Variants in PRC1 observed in about 807,000 individuals in gnomAD.
The protein encoded by PRC1 is anaphase spindle elongation 1 homolog.
A neutral mutation model predicts 91.2 loss-of-function variants in PRC1; 54 were observed. The ratio of observed to expected loss-of-function variants is 0.59; its 90% CI spans 0.48 to 0.74. The LOEUF (loss-of-function observed/expected upper bound fraction) is 0.74. PRC1 is among the 30% of genes least tolerant of loss of function. The pLI, the probability that PRC1 is intolerant of heterozygous loss-of-function variation, is 0.00. For missense variants in PRC1, 727 were observed against 746.2 expected (o/e 0.97, Z 0.30); for synonymous variants, 275 against 263.6 (o/e 1.04, Z -0.42).
At chr15:90,988,480 C>T (rs191121425) in intron 1 of PRC1, 1 of 152,432 alleles carries the variant, frequency 6.6e-6, no homozygotes, top group East Asian at 1.9e-4. Context: ...AATAGTTCAA[C>T]CACCTTCTGT....
chr15:90,989,204 T>C (rs1049639074), intron 1 of PRC1, among the ~76,000 whole-genome samples: 6 of 152,152 alleles, frequency 3.9e-5, no homozygotes, highest in African/African-American at 1.4e-4. Flanking sequence ...CTTGTGGGCA[T>C]GCAAGACGGT....
chr15:90,974,082 G>GACT lies in PRC1; in HGVS notation c.1461+51_1461+53dup. On this transcript the variant is annotated intron_variant, in intron 11 of 14. Coordinates refer to ENST00000394249, the MANE Select transcript of PRC1 (RefSeq NM_003981.4). This position sits in a 1 kb window ranked among gnomAD's most constrained non-coding sequence, Gnocchi z 4.6. ...TGGCCCCCTTCAAAGAGGTGGCTGG[G>GACT]ACTACCCTCACCCACTCCCTTGAAA... 6.7e-7 allele frequency: 1 copy of GACT among 1,502,876 alleles called. No individual in the cohort carries two copies. Among genetic ancestry groups the GACT allele is most frequent in the Non-Finnish European group, 9.3e-7 (1 of 1,080,234 alleles). The allele number at this position is 1,502,876 out of a possible 1,614,324, so 93.1% of individuals were successfully genotyped here. A position where few individuals can be genotyped will look rare whatever the true frequency, so the allele number is the denominator to read the frequency against.
chr15:90,974,635 C>G lies in PRC1; in HGVS notation c.1300G>C (p.Glu434Gln). 2 of 1,614,228 alleles carry G rather than the reference C, an allele frequency of 1.2e-6. No individual in the cohort carries two copies. The highest frequency in any genetic ancestry group is 1.7e-6 in the Non-Finnish European group (2 of 1,180,038). ...NGQKFMEYVA[E>Q]QWEMHRLEKE... ...TCCAATCGATGCATCTCCCATTGTTCTGCCACATACTCCATGAATTTCTGC... is the reference window on the plus strand; with the variant it reads ...TCCAATCGATGCATCTCCCATTGTTGTGCCACATACTCCATGAATTTCTGC... Residue 434 changes from glutamate to glutamine, a missense_variant, in exon 10 of 15, where the codon GAA (glutamate) becomes CAA (glutamine). Coordinates refer to ENST00000394249, the MANE Select transcript of PRC1 (RefSeq NM_003981.4). This position sits in a 1 kb window ranked among gnomAD's most constrained non-coding sequence, Gnocchi z 4.6.
At position 90,974,327 on chromosome 15, in the gene PRC1, T is replaced by A; in HGVS notation, c.1351-81A>T. On this transcript the variant is annotated intron_variant, in intron 10 of 14. Transcript: ENST00000394249. This position sits in a 1 kb window ranked among gnomAD's most constrained non-coding sequence, Gnocchi z 4.6. Reference sequence around the variant, plus strand: ...ATGGCAACAGCAGCAGGGCCGGGAATCTAGGCCCGTGTCTCTACAGCCAGA... The same window carrying A: ...ATGGCAACAGCAGCAGGGCCGGGAAACTAGGCCCGTGTCTCTACAGCCAGA... 3 of 1,273,876 alleles carry A rather than the reference T, an allele frequency of 2.4e-6. No homozygotes were observed. Among genetic ancestry groups the A allele is most frequent in the Non-Finnish European group, 3.4e-6 (3 of 885,328 alleles). 78.9% of individuals were successfully genotyped at this position (1,273,876 alleles called of 1,614,324 possible).
At chr15:90,987,528 T>TTC (rs2039672193) in intron 1 of PRC1, 1 of 152,214 alleles carries the variant, frequency 6.6e-6, no homozygotes, top group Non-Finnish European at 1.5e-5. Context: ...TTTAACTGGC[T>TTC]TCTGTATCTT....
chr15:90,967,672 C>T (rs1490042350), intron 14 of PRC1: 1 of 305,450 alleles, frequency 3.3e-6, no homozygotes, highest in East Asian at 1.6e-4. Flanking sequence ...AGTATTCTTT[C>T]TGTAACATGC....
chr15:90,982,422 G>C (rs1199974664), intron 3 of PRC1, among the ~76,000 whole-genome samples: 1 of 152,052 alleles, frequency 6.6e-6, no homozygotes, highest in Non-Finnish European at 1.5e-5. Context: ...TCTATGATTA[G>C]ACTACTCCAG....
In PRC1 at chr15:90,984,621, G is replaced by A. The variant is rs1805892691; in HGVS notation, c.144+72C>T. 16 of 1,576,078 alleles carry A rather than the reference G, an allele frequency of 1.0e-5. No individual in the cohort carries two copies. The South Asian group carries it at 1.7e-4, about 17-fold the overall frequency. On this transcript the variant is annotated intron_variant, in intron 2 of 14. Coordinates refer to ENST00000394249, the MANE Select transcript of PRC1 (RefSeq NM_003981.4). This position sits in a 1 kb window ranked among gnomAD's most constrained non-coding sequence, Gnocchi z 5.1. The stretch of plus-strand genomic sequence containing the variant: ...ATGCCGATGATCACATGTCCCTTCT[G>A]TATGCTATCTCGGGTGAGACACCAA...
In PRC1 at chr15:90,972,215, A is replaced by AAC. The variant is rs1156312575; in HGVS notation, c.1462-1702_1462-1701insGT. Among the ~76,000 whole-genome samples the AAC allele has an allele frequency of 4.3e-5, 4 of 92,744 alleles. No homozygotes were observed. In the South Asian group the frequency reaches 1.2e-3, roughly 28 times the overall value. The allele number at this position is 92,744 out of a possible 152,430, so 60.8% of individuals were successfully genotyped here. ...AAAAAAAAAAAAAAACACCACCAAC[A>AAC]AAAAAAAAAACCCCAAAATTAGCCG... On this transcript the variant is annotated intron_variant, in intron 11 of 14. Transcript: ENST00000394249.
At chr15:90,993,728 C>T (rs536974071) in intron 1 of PRC1, among the ~76,000 whole-genome samples, 88 of 152,192 alleles carry the variant, frequency 5.8e-4, no homozygotes, top group Middle Eastern at 3.4e-3. Context: ...TCTTAACTTG[C>T]AAAGAAACAA....
chr15:90,977,684 C>T (rs1447721667), intron 8 of PRC1, among the ~76,000 whole-genome samples: 5 of 148,300 alleles, frequency 3.4e-5, no homozygotes, highest in African/African-American at 9.9e-5. Flanking sequence ...CCCGGGTTCA[C>T]GCCATTCTCC....
chr15:90,983,805 C>CT (rs1447395662), intron 3 of PRC1: 1 of 471,414 alleles, frequency 2.1e-6, no homozygotes, highest in East Asian at 3.5e-5. Context: ...TTTTGATCAT[C>CT]TATTAGTTGC....
At position 90,981,053 on chromosome 15, in the gene PRC1, T is replaced by A; in HGVS notation, c.673-20A>T. The stretch of plus-strand genomic sequence containing the variant: ...TTCCAGCTACAGCATAGAAAGCCAG[T>A]GTCACTCACGGCAAAGCAGCAGCAC... On this transcript the variant is annotated intron_variant, in intron 5 of 14. Transcript: ENST00000394249. The A allele has an allele frequency of 1.9e-6, 3 of 1,613,562 alleles. No homozygotes were observed. Among genetic ancestry groups the A allele is most frequent in the Non-Finnish European group, 2.5e-6 (3 of 1,179,902 alleles).
chr15:90,990,389 T>TA (rs1348724260), intron 1 of PRC1, among the ~76,000 whole-genome samples: 2 of 116,960 alleles, frequency 1.7e-5, no homozygotes, highest in African/African-American at 5.3e-5. Flanking sequence ...AATAAATAAA[T>TA]AATTTTTTTT....
At chr15:90,989,357 C>T (rs2039812124) in intron 1 of PRC1, among the ~76,000 whole-genome samples, 1 of 151,892 alleles carries the variant, frequency 6.6e-6, no homozygotes, top group African/African-American at 2.4e-5. Flanking sequence ...AAGCAATTCT[C>T]CTACCTTAGT....
intron 8 of PRC1, among the ~76,000 whole-genome samples, chr15:90,977,603 A>C (rs2038841243): frequency 1.1e-5 from 1 of 89,870 alleles, no homozygotes; most frequent in Non-Finnish European, 1.9e-5. Flanking sequence ...TTTTTTTCTG[A>C]GACAGAGTCT....
chr15:90,988,403 G>C (rs902726420), intron 1 of PRC1: 1 of 152,192 alleles, frequency 6.6e-6, no homozygotes, highest in Non-Finnish European at 1.5e-5. Context: ...ACAGCTAGTT[G>C]TTCATAATAA....
chr15:90,966,436 G>T lies in PRC1; in HGVS notation c.*695C>A. 2.7e-6 allele frequency: 1 copy of T among 374,236 alleles called. No homozygotes were observed. The allele number at this position is 374,236 out of a possible 1,614,324, so 23.2% of individuals were successfully genotyped here. ...ACTCAGGCAAAGTAGGCACAGGAATGGGGGAGATGAGAGCCAAGGGACAAA... is the reference window on the plus strand; with the variant it reads ...ACTCAGGCAAAGTAGGCACAGGAATTGGGGAGATGAGAGCCAAGGGACAAA... On this transcript the variant is annotated 3_prime_UTR_variant, in exon 15 of 15. Coordinates refer to ENST00000394249, the MANE Select transcript of PRC1 (RefSeq NM_003981.4).
At chr15:90,983,624 G>C (rs980063693) in intron 3 of PRC1, 1 of 153,830 alleles carries the variant, frequency 6.5e-6, no homozygotes, top group African/African-American at 2.4e-5. Flanking sequence ...AACCCACAAA[G>C]GTTGGTGTTT....
Sources: allele counts gnomAD v4.1 joint callset (sites outside exome capture counted in the v4.1 genomes callset), GRCh38; gene constraint gnomAD v4.1.1; non-coding constraint Gnocchi (gnomAD v3.1); transcripts MANE v1.5; gene names NCBI Gene and HGNC (gene_info 2026-07-23, HGNC 2026-07-21).